The following DNAH7 variants were observed in gnomAD, a reference collection of about 807,000 sequenced individuals.
DNAH7 encodes axonemal beta dynein heavy chain 7.
DNAH7 carries 397 observed loss-of-function variants against 444.6 expected under a neutral mutation model. The observed-to-expected ratio is 0.89, with a 90% CI of 0.82 to 0.97. DNAH7 has a LOEUF of 0.97. Ranked by LOEUF, DNAH7 falls within the 50% of genes least tolerant of loss-of-function variation. The probability of loss-of-function intolerance (pLI) is 0.00; values close to 1 mark genes in which losing one functional copy is unlikely to be tolerated. For synonymous variants in DNAH7, 1,636 were observed against 1,624.4 expected (o/e 1.01, Z -0.17); for missense variants, 4,902 against 4,800.8 (o/e 1.02, Z -0.62).
chr2:195,864,798 A>G lies in DNAH7; in HGVS notation c.6857T>C (p.Ile2286Thr), dbSNP rs1479315564. ...CATTCGAAGATTATCCACATCTGCG[A>G]TTTCTCTGTAGTTGGTATCCTCCCT... ...PKREDTNYREIADVDNLRMIV... is the reference protein window; with the variant it reads ...PKREDTNYRETADVDNLRMIV... The change falls in exon 41 of 65, where the codon ATC (isoleucine) becomes ACC (threonine). Residue 2286 changes from isoleucine to threonine, a missense_variant. By Grantham distance (89) the Ile-to-Thr change is moderately conservative (BLOSUM62 -1). Transcript: ENST00000312428. The G allele has an allele frequency of 2.5e-6, 4 of 1,614,210 alleles. No individual in the cohort carries two copies. The highest frequency in any genetic ancestry group is 3.4e-6 in the Non-Finnish European group (4 of 1,180,030).
intron 58 of DNAH7, among the ~76,000 whole-genome samples, chr2:195,786,130 T>A (rs1486565581): frequency 6.6e-6 from 1 of 152,220 alleles, no homozygotes; most frequent in African/African-American, 2.4e-5. Context: ...GAACTCTCAG[T>A]ATTTATTTTG....
chr2:195,936,850 T>C, intron 19 of DNAH7, 58 bp from the exon 20 acceptor site: 1 of 1,171,778 alleles, frequency 8.5e-7, no homozygotes, highest in Non-Finnish European at 1.1e-6. Flanking sequence ...ACTCTATTTA[T>C]ATTCATATTA....
Position 195,836,259 on chromosome 2 carries a change from C to T in DNAH7, c.8946-1899G>A, listed in dbSNP as rs151070026. ...AGGGCCAGCATGGTGGCTTACGCTT[C>T]TAATCCCAGTGCTTTGGGAGGCTGA... On this transcript the variant is annotated intron_variant, in intron 47 of 64. Transcript: ENST00000312428. 8.0e-3 allele frequency among the ~76,000 whole-genome samples: 1,224 copies of T among 152,190 alleles called. 10 individuals carry two copies. Among genetic ancestry groups the T allele is most frequent in the South Asian group, 0.021 (102 of 4,828 alleles).
rs530715573 is a variant in DNAH7 at position 195,832,848 on chromosome 2, T to C, written c.9100+1358A>G. ...TTTCTTATTATATCATACTAAAATA[T>C]GATACACATAAATCATACAGTAAAT... On this transcript the variant is annotated intron_variant, in intron 48 of 64. Coordinates refer to ENST00000312428, the MANE Select transcript of DNAH7 (RefSeq NM_018897.3). 3.9e-5 allele frequency among the ~76,000 whole-genome samples: 6 copies of C among 152,230 alleles called. 1 individual carries two copies. The highest frequency in any genetic ancestry group is 1.4e-4 in the African/African-American group (6 of 41,468).
intron 2 of DNAH7, among the ~76,000 whole-genome samples, chr2:196,052,787 A>G (rs754353706): frequency 6.6e-6 from 1 of 152,220 alleles, no homozygotes; most frequent in African/African-American, 2.4e-5. Flanking sequence ...CTCCACAGAG[A>G]AGGACAGCAA....
At chr2:195,849,394 T>G (rs544233773) in intron 46 of DNAH7, among the ~76,000 whole-genome samples, 1 of 152,336 alleles carries the variant, frequency 6.6e-6, no homozygotes, top group Admixed American at 6.5e-5. Context: ...CGTGGCATAG[T>G]TACAGATACA....
intron 11 of DNAH7, among the ~76,000 whole-genome samples, 181 bp downstream of exon 11, chr2:196,001,494 A>G (rs1208987000): frequency 6.6e-6 from 1 of 152,084 alleles, no homozygotes; most frequent in Non-Finnish European, 1.5e-5. Flanking sequence ...CCTCTTGAGT[A>G]GTGGGGACTA....
chr2:195,907,921 C>G (rs1233501640), intron 25 of DNAH7, among the ~76,000 whole-genome samples: 1 of 151,998 alleles, frequency 6.6e-6, no homozygotes, highest in African/African-American at 2.4e-5. Flanking sequence ...TCACAGAGAA[C>G]AGAATGCTTT....
chr2:195,805,854 G>C (rs558168202), intron 54 of DNAH7, among the ~76,000 whole-genome samples: 1 of 152,150 alleles, frequency 6.6e-6, no homozygotes, highest in Non-Finnish European at 1.5e-5. Flanking sequence ...AACAGAGTAG[G>C]GCTCATAGAG....
chr2:196,024,728 C>T (rs1695577759), intron 7 of DNAH7, among the ~76,000 whole-genome samples: 1 of 151,962 alleles, frequency 6.6e-6, no homozygotes, highest in East Asian at 1.9e-4. Context: ...TTTCTTAACA[C>T]AATGTGTCCC....
chr2:196,020,623 T>A (rs898981789), intron 8 of DNAH7, among the ~76,000 whole-genome samples: 14 of 151,160 alleles, frequency 9.3e-5, no homozygotes, highest in Non-Finnish European at 1.9e-4. Flanking sequence ...TTTTTTTTTT[T>A]TTTTTGAGAT....
chr2:195,999,602 A>T (rs1177717650), intron 12 of DNAH7, among the ~76,000 whole-genome samples: 1 of 152,038 alleles, frequency 6.6e-6, no homozygotes, highest in Non-Finnish European at 1.5e-5. Flanking sequence ...TATCGCATAC[A>T]GAGTATTAAA....
At chr2:195,775,109 C>T (rs924933598) in intron 60 of DNAH7, among the ~76,000 whole-genome samples, 1 of 152,106 alleles carries the variant, frequency 6.6e-6, no homozygotes, top group Non-Finnish European at 1.5e-5. Flanking sequence ...GGTCTCTTTA[C>T]CTCTGAATTG....
chr2:195,772,781 CTTTT>C (rs201466193), intron 60 of DNAH7, among the ~76,000 whole-genome samples: 1 of 133,586 alleles, frequency 7.5e-6, no homozygotes, highest in Non-Finnish European at 1.6e-5. Flanking sequence ...TCTACTGTGA[CTTTT>C]TTTTTTTTTT....
At chr2:195,809,014 T>C (rs1696837035) in intron 52 of DNAH7, 138 bp from the exon 53 acceptor site, 8 of 680,766 alleles carry the variant, frequency 1.2e-5, no homozygotes, top group East Asian at 2.8e-5. Context: ...GCTAGTGTTA[T>C]AGCTCAATAT....
Position 195,861,763 on chromosome 2 carries a change from G to A in DNAH7, c.7690C>T (p.Leu2564Phe). The A allele has an allele frequency of 1.2e-6, 2 of 1,613,300 alleles. No homozygotes were observed. Among genetic ancestry groups the A allele is most frequent in the Non-Finnish European group, 8.5e-7 (1 of 1,179,454 alleles). ...RYNYVTPTSYLELISTFKLLL... is the reference protein window; with the variant it reads ...RYNYVTPTSYFELISTFKLLL... ...AGTTTGAAGGTGGAGATTAATTCGA[G>A]GTAAGAGGTAGGAGTCACATAATTG... Residue 2564 changes from leucine to phenylalanine, a missense_variant, in exon 42 of 65, where the codon CTC (leucine) becomes TTC (phenylalanine). Coordinates refer to ENST00000312428, the MANE Select transcript of DNAH7 (RefSeq NM_018897.3).
chr2:195,950,851 C>CAAA (rs67782183), intron 19 of DNAH7, among the ~76,000 whole-genome samples: 10,176 of 36,670 alleles, frequency 0.28, 2,802 homozygotes, highest in Non-Finnish European at 0.37. Flanking sequence ...GACTCTGTCT[C>CAAA]AAAAAAAAAA....
chr2:196,026,218 T>C (rs1384742084), intron 7 of DNAH7, among the ~76,000 whole-genome samples: 3 of 152,200 alleles, frequency 2.0e-5, no homozygotes, highest in Non-Finnish European at 4.4e-5. Flanking sequence ...CCAATAAAAC[T>C]TTATGAAAAC....
intron 61 of DNAH7, among the ~76,000 whole-genome samples, chr2:195,771,207 G>A (rs1296402437): frequency 6.6e-6 from 1 of 151,850 alleles, no homozygotes; most frequent in African/African-American, 2.4e-5. Context: ...AGGCTTGGTG[G>A]CTCACACCTC....
Sources: allele counts gnomAD v4.1 joint callset (sites outside exome capture counted in the v4.1 genomes callset), GRCh38; gene constraint gnomAD v4.1.1; transcripts MANE v1.5; gene names NCBI Gene and HGNC (gene_info 2026-07-23, HGNC 2026-07-21).